CCDC77: variants seen among roughly 807,000 people sequenced by gnomAD.
CCDC77 encodes the protein coiled-coil domain containing 77.
Under a neutral mutation model 66.8 loss-of-function variants are expected in CCDC77, and 56 were observed. The ratio of observed to expected loss-of-function variants is 0.84; its 90% CI spans 0.68 to 1.05. The LOEUF (loss-of-function observed/expected upper bound fraction) is 1.05. Ranked by LOEUF, CCDC77 falls within the 50% of genes least tolerant of loss-of-function variation. CCDC77 has a pLI of 0.00. For synonymous variants in CCDC77, 196 were observed against 195.2 expected (o/e 1.00, Z -0.03); for missense variants, 570 against 576.8 (o/e 0.99, Z 0.12).
At chr12:398,179 T>C (rs912195735), upstream of CCDC77, among the ~76,000 whole-genome samples, 1 of 152,242 alleles carries the variant, frequency 6.6e-6, no homozygotes, top group Non-Finnish European at 1.5e-5. Context: ...CTCTGTAGCA[T>C]GCAATGCTGT....
intron 5 of CCDC77, among the ~76,000 whole-genome samples, chr12:428,459 C>G (rs1335416328): frequency 2.1e-5 from 3 of 142,248 alleles, no homozygotes. Flanking sequence ...TGCAGTGAGC[C>G]AAGACCGCAC....
At chr12:433,408 G>A (rs896784097) in intron 9 of CCDC77, 86 bp downstream of exon 9, 173 of 1,548,030 alleles carry the variant, frequency 1.1e-4, no homozygotes, top group South Asian at 7.5e-4. Context: ...GAACAACAGC[G>A]GGTCATAGAA....
intron 6 of CCDC77, among the ~76,000 whole-genome samples, chr12:430,054 T>C (rs1453929146): frequency 6.6e-6 from 1 of 152,096 alleles, no homozygotes; most frequent in Non-Finnish European, 1.5e-5. Context: ...AGTGTAATGG[T>C]GCAATCTCGG....
In CCDC77 at chr12:438,340, A is replaced by G. The variant is rs1485123262; in HGVS notation, c.827A>G (p.His276Arg). 2 of 1,610,670 alleles carry G rather than the reference A, an allele frequency of 1.2e-6. No homozygotes were observed. Among genetic ancestry groups the G allele is most frequent in the South Asian group, 1.1e-5 (1 of 90,532 alleles). Residue 276 changes from histidine (H) to arginine (R), a missense_variant, in exon 10 of 13, where the codon CAC (histidine) becomes CGC (arginine). His to Arg is a conservative substitution (Grantham distance 29). Coordinates refer to ENST00000239830, the MANE Select transcript of CCDC77 (RefSeq NM_032358.4). Reference protein sequence around the residue: ...NKIKELTKNLHHTQELLYEST... With the variant: ...NKIKELTKNLRHTQELLYEST... ...ATTTATACTTTCTTTCCTAGTCTTCACCACACCCAAGAACTGCTCTATGAG... is the reference window on the plus strand; with the variant it reads ...ATTTATACTTTCTTTCCTAGTCTTCGCCACACCCAAGAACTGCTCTATGAG...
chr12:437,505 G>A (rs1296096113), intron 9 of CCDC77, among the ~76,000 whole-genome samples: 1 of 152,110 alleles, frequency 6.6e-6, no homozygotes, highest in Non-Finnish European at 1.5e-5. Flanking sequence ...AATTAAAATA[G>A]GCTAAAGTTG....
intron 9 of CCDC77, 103 bp from the exon 10 acceptor site, chr12:438,232 A>C: frequency 1.3e-6 from 1 of 787,480 alleles, no homozygotes; most frequent in Non-Finnish European, 2.0e-6. Flanking sequence ...TTTATATATC[A>C]CACCATTTTA....
chr12:418,332 A>T (rs1232613219), intron 4 of CCDC77, among the ~76,000 whole-genome samples, 162 bp from the exon 5 acceptor site: 1 of 152,096 alleles, frequency 6.6e-6, no homozygotes. Flanking sequence ...AAAAACAAAC[A>T]AACTCCAGTC....
intron 4 of CCDC77, among the ~76,000 whole-genome samples, chr12:412,584 A>T (rs1565566384): frequency 1.3e-5 from 2 of 152,160 alleles, no homozygotes; most frequent in Non-Finnish European, 2.9e-5. Context: ...TGCCAGTAAC[A>T]CAACACCCCC....
chr12:394,037 A>G (rs965165590), intron 1 of CCDC77, among the ~76,000 whole-genome samples: 2 of 152,228 alleles, frequency 1.3e-5, no homozygotes, highest in African/African-American at 4.8e-5. Context: ...TGACAGAAAC[A>G]AGTTTTCCAA....
At chr12:423,470 G>GTGTGT (rs1565572116) in intron 5 of CCDC77, among the ~76,000 whole-genome samples, 1 of 44,846 alleles carries the variant, frequency 2.2e-5, no homozygotes, top group Non-Finnish European at 4.5e-5. Context: ...TGTTTTTTGT[G>GTGTGT]TTTTTTGTGT....
At chr12:433,444 C>G in intron 9 of CCDC77, 122 bp downstream of exon 9, 1 of 1,459,994 alleles carries the variant, frequency 6.8e-7, no homozygotes, top group African/African-American at 1.4e-5. Flanking sequence ...AAAAGACTGT[C>G]TTCCTCAGAA....
chr12:426,599 TC>T (rs1186580858), intron 5 of CCDC77, among the ~76,000 whole-genome samples: 1 of 152,128 alleles, frequency 6.6e-6, no homozygotes, highest in African/African-American at 2.4e-5. Flanking sequence ...GGAGGTACTG[TC>T]CCCCACCTAG....
At chr12:441,268 C>T (rs1241792420) in intron 12 of CCDC77, among the ~76,000 whole-genome samples, 3 of 152,192 alleles carry the variant, frequency 2.0e-5, no homozygotes, top group Non-Finnish European at 2.9e-5. Flanking sequence ...ATTAAAGAAT[C>T]GTGTCTGTCT....
intron 4 of CCDC77, among the ~76,000 whole-genome samples, chr12:413,374 C>G (rs1215920376): frequency 1.4e-5 from 2 of 147,542 alleles, no homozygotes; most frequent in African/African-American, 2.5e-5. Context: ...GTAGCTGGGA[C>G]TACTGGTGCC....
intron 4 of CCDC77, among the ~76,000 whole-genome samples, chr12:415,515 A>G (rs7978632): frequency 0.77 from 98,303 of 128,260 alleles, 37,916 homozygotes; most frequent in Middle Eastern, 0.85. Flanking sequence ...ATAATATGTT[A>G]ATATTAACAT....
intron 10 of CCDC77, among the ~76,000 whole-genome samples, chr12:439,772 T>G (rs1945827439): frequency 4.0e-5 from 6 of 150,086 alleles, no homozygotes; most frequent in Non-Finnish European, 7.4e-5. Flanking sequence ...GAGCAAGGAC[T>G]CCGTCTCAGA....
At position 442,133 on chromosome 12, in the gene CCDC77, CGAG is replaced by C. The variant is rs1945869150; in HGVS notation, c.*217_*219del. On this transcript the variant is annotated 3_prime_UTR_variant, in exon 13 of 13. Transcript: ENST00000239830. ...ATTTTTGCTGTCCTTTTAACACTTG[CGAG>C]GAGTAGGGGCCTGGTCCTGAATGAC... 1.9e-6 allele frequency: 1 copy of C among 524,418 alleles called. No homozygotes were observed. The highest frequency in any genetic ancestry group is 3.2e-5 in the Admixed American group (1 of 30,816). The allele number at this position is 524,418 out of a possible 1,614,324, so 32.5% of individuals were successfully genotyped here.
upstream of CCDC77, among the ~76,000 whole-genome samples, chr12:399,405 G>C (rs2369279): frequency 0.73 from 111,588 of 151,962 alleles, 41,137 homozygotes; most frequent in East Asian, 0.83. Flanking sequence ...CTCCTGACCT[G>C]GTGATCCGCC....
intron 5 of CCDC77, among the ~76,000 whole-genome samples, chr12:424,783 C>T (rs58430723): frequency 0.018 from 2,667 of 152,082 alleles, 81 homozygotes; most frequent in African/African-American, 0.06. Context: ...TTAGCTCTTA[C>T]GTCTAGGTCT....
Sources: gnomAD v4.1 joint callset for allele counts (sites outside exome capture counted in the v4.1 genomes callset) on GRCh38, gnomAD v4.1.1 for gene constraint, MANE v1.5 for transcripts, NCBI Gene and HGNC (gene_info 2026-07-23, HGNC 2026-07-21) for gene names.